PCDHGA3: variants seen among roughly 807,000 people sequenced by gnomAD.
The protein encoded by PCDHGA3 is protocadherin gamma-A3.
PCDHGA3 carries 40 observed loss-of-function variants against 58.5 expected under a neutral mutation model. The ratio of observed to expected loss-of-function variants is 0.68; its 90% CI spans 0.53 to 0.89. The LOEUF is 0.89. PCDHGA3 is among the 40% of genes least tolerant of loss of function. The pLI is 0.00. For missense variants in PCDHGA3, 1,223 were observed against 1,195.9 expected, an observed-to-expected ratio of 1.02 and a Z score of -0.33; for synonymous variants, 530 against 525.7, an observed-to-expected ratio of 1.01 and a Z score of -0.11.
chr5:141,387,336 C>T (rs1351788377), intron 1 of PCDHGA3, among the ~76,000 whole-genome samples: 4 of 152,122 alleles, frequency 2.6e-5, no homozygotes, highest in African/African-American at 7.2e-5. Flanking sequence ...AATTACTGTA[C>T]TCTGAGACGG....
At chr5:141,494,156 C>T (rs566096073) in intron 1 of PCDHGA3, among the ~76,000 whole-genome samples, 22 of 152,316 alleles carry the variant, frequency 1.4e-4, no homozygotes, top group African/African-American at 4.3e-4. Context: ...TTGTCTGGCA[C>T]GGAGTTCTAG....
chr5:141,384,651 C>T (rs138410124), intron 1 of PCDHGA3: 42,093 of 1,614,188 alleles, frequency 0.026, 638 homozygotes, highest in Non-Finnish European at 0.031. Context: ...CCGCAGAGCC[C>T]GGCTACCTGG....
At chr5:141,359,702 A>G (rs1341574293) in intron 1 of PCDHGA3, among the ~76,000 whole-genome samples, 1 of 152,168 alleles carries the variant, frequency 6.6e-6, no homozygotes, top group African/African-American at 2.4e-5. Flanking sequence ...CCGGAAGGAT[A>G]CCTAAGAAAC....
chr5:141,375,404 AAT>A, intron 1 of PCDHGA3: 2 of 1,613,912 alleles, frequency 1.2e-6, no homozygotes, highest in Non-Finnish European at 1.7e-6. Context: ...CATCTCTCTA[AAT>A]GTGGCAGACA....
intron 1 of PCDHGA3, among the ~76,000 whole-genome samples, chr5:141,459,249 A>G (rs901058693): frequency 6.6e-6 from 1 of 152,218 alleles, no homozygotes; most frequent in Non-Finnish European, 1.5e-5. Flanking sequence ...TCCTGTCACT[A>G]TAAATTAGTG....
chr5:141,362,224 G>A (rs1762382542), intron 1 of PCDHGA3: 1 of 1,613,904 alleles, frequency 6.2e-7, no homozygotes, highest in African/African-American at 1.3e-5. Flanking sequence ...TGTGGCCTTG[G>A]CCTTGATCTC....
intron 2 of PCDHGA3, among the ~76,000 whole-genome samples, chr5:141,503,077 T>C (rs902429288): frequency 6.6e-6 from 1 of 151,810 alleles, no homozygotes; most frequent in African/African-American, 2.4e-5. Flanking sequence ...ATGGTCTCGA[T>C]CTCCTGACCT....
chr5:141,375,588 C>A, intron 1 of PCDHGA3: 1 of 1,614,180 alleles, frequency 6.2e-7, no homozygotes, highest in Non-Finnish European at 8.5e-7. Context: ...GCGCCCCTGT[C>A]CTCCTACGTG....
chr5:141,375,705 C>T, intron 1 of PCDHGA3: 7 of 1,614,280 alleles, frequency 4.3e-6, no homozygotes, highest in Non-Finnish European at 5.9e-6. Context: ...GGGGACCCGC[C>T]TCTTAGCAGC....
At position 141,431,556 on chromosome 5, in the gene PCDHGA3, C is replaced by G. The variant is rs1561853752; in HGVS notation, c.2425-63251C>G. ...GGCACGCAGCTGCTTGTAGTCAACGCTACCGACCCTGACGAAGGAGTCAAT... is the reference window on the plus strand; with the variant it reads ...GGCACGCAGCTGCTTGTAGTCAACGGTACCGACCCTGACGAAGGAGTCAAT... On this transcript the variant is annotated intron_variant, in intron 1 of 3. Transcript: ENST00000253812. The surrounding 1 kb of genome is among the most constrained non-coding windows in gnomAD (Gnocchi z 4.8). 3 of 1,614,138 alleles carry G rather than the reference C, an allele frequency of 1.9e-6. No individual in the cohort carries two copies. The highest frequency in any genetic ancestry group is 2.5e-6 in the Non-Finnish European group (3 of 1,180,022).
intron 1 of PCDHGA3, chr5:141,357,065 A>G: frequency 6.2e-7 from 1 of 1,613,964 alleles, no homozygotes; most frequent in Non-Finnish European, 8.5e-7. Flanking sequence ...GTGGGGCTGC[A>G]CACAGGCGAG....
intron 1 of PCDHGA3, chr5:141,421,183 A>G (rs1286755310): frequency 2.7e-6 from 4 of 1,457,360 alleles, no homozygotes; most frequent in Admixed American, 4.8e-5. Flanking sequence ...CCGATTCACA[A>G]CCAACCAGCT....
chr5:141,350,249 A>AG, intron 1 of PCDHGA3: 3 of 1,506,754 alleles, frequency 2.0e-6, no homozygotes, highest in South Asian at 2.8e-5. Context: ...AGCTCCGCGG[A>AG]GAGTTCCTGA....
intron 1 of PCDHGA3, chr5:141,375,687 G>A (rs1588775167): frequency 6.2e-7 from 1 of 1,614,258 alleles, no homozygotes. Flanking sequence ...GTGACAGCCA[G>A]CGACAGCGGG....
chr5:141,376,790 C>T (rs993106299), intron 1 of PCDHGA3: 2 of 364,964 alleles, frequency 5.5e-6, no homozygotes, highest in Non-Finnish European at 9.9e-6. Context: ...GGGTTCACGC[C>T]ATTCTCCTGC....
rs1340692426 is a variant in PCDHGA3 at position 141,485,025 on chromosome 5, A to C, written c.2425-9782A>C. ...CAAATCTACCCCGCCACCAGCAAAAACGGCGCGTAACCCTTGCGGCGCCGG... is the reference window on the plus strand; with the variant it reads ...CAAATCTACCCCGCCACCAGCAAAACCGGCGCGTAACCCTTGCGGCGCCGG... On this transcript the variant is annotated intron_variant, in intron 1 of 3. Transcript: ENST00000253812. This position sits in a 1 kb window ranked among gnomAD's most constrained non-coding sequence, Gnocchi z 5.7. 2 of 657,796 alleles carry C rather than the reference A, an allele frequency of 3.0e-6. No homozygotes were observed. The highest frequency in any genetic ancestry group is 5.4e-6 in the Non-Finnish European group (2 of 369,210). The allele number at this position is 657,796 out of a possible 1,614,324, so 40.7% of individuals were successfully genotyped here.
intron 1 of PCDHGA3, chr5:141,350,420 C>T: frequency 6.2e-7 from 1 of 1,606,742 alleles, no homozygotes; most frequent in Non-Finnish European, 8.5e-7. Flanking sequence ...GGATCTGGGG[C>T]TCAGTGTCCG....
chr5:141,453,700 G>T (rs953445370), intron 1 of PCDHGA3, among the ~76,000 whole-genome samples: 1 of 152,166 alleles, frequency 6.6e-6, no homozygotes, highest in East Asian at 1.9e-4. Flanking sequence ...TCCTGGCTTT[G>T]AACAGTTTCA....
At chr5:141,427,484 T>C (rs766997973) in intron 1 of PCDHGA3, 7 of 539,726 alleles carry the variant, frequency 1.3e-5, no homozygotes, top group Non-Finnish European at 2.5e-5. Context: ...ATAATGACTA[T>C]AAGCTTGTAA....
Sources: gnomAD v4.1 joint callset for allele counts (sites outside exome capture counted in the v4.1 genomes callset) on GRCh38, gnomAD v4.1.1 for gene constraint, Gnocchi (gnomAD v3.1) non-coding constraint, MANE v1.5 for transcripts, NCBI Gene and HGNC (gene_info 2026-07-23, HGNC 2026-07-21) for gene names.